The following RAB11FIP1 variants were observed in gnomAD, a reference collection of about 807,000 sequenced individuals.
RAB11FIP1 encodes rab11 family-interacting protein 1.
RAB11FIP1 carries 49 observed loss-of-function variants against 83.1 expected under a neutral mutation model. The ratio of observed to expected loss-of-function variants is 0.59; its 90% CI spans 0.47 to 0.75. RAB11FIP1 has a LOEUF of 0.75. Ranked by LOEUF, RAB11FIP1 falls within the 30% of genes least tolerant of loss-of-function variation. RAB11FIP1 has a pLI of 0.00. For synonymous variants in RAB11FIP1, 670 were observed against 656.0 expected (o/e 1.02, Z -0.33); for missense variants, 1,536 against 1,598.7 (o/e 0.96, Z 0.67).
chr8:37,872,930 C>A lies in RAB11FIP1; in HGVS notation c.1872G>T (p.Lys624Asn). Residue 624 changes from lysine to asparagine, a missense_variant, in exon 4 of 6, where the codon AAG becomes AAT. Physicochemically the swap from Lys to Asn is moderately conservative, Grantham distance 94. Coordinates refer to ENST00000330843, the MANE Select transcript of RAB11FIP1 (RefSeq NM_001002814.3). The part of the protein sequence containing the change: ...SWPLVDRGQA[K>N]SEGPPLLPKA... ...TAGGGAGCAAGGGTGGTCCTTCAGA[C>A]TTGGCCTGGCCCCTGTCTACGAGAG... 6.2e-7 allele frequency: 1 copy of A among 1,614,236 alleles called. No homozygotes were observed. Among genetic ancestry groups the A allele is most frequent in the Non-Finnish European group, 8.5e-7 (1 of 1,180,042 alleles).
At chr8:37,881,606 C>A (rs996163896) in intron 1 of RAB11FIP1, among the ~76,000 whole-genome samples, 39 of 152,058 alleles carry the variant, frequency 2.6e-4, no homozygotes, top group African/African-American at 8.7e-4. Context: ...AATTTTGGAC[C>A]CTTAGGAGAC....
At chr8:37,874,019 G>A (rs561507166) in intron 3 of RAB11FIP1, among the ~76,000 whole-genome samples, 5 of 152,294 alleles carry the variant, frequency 3.3e-5, no homozygotes, top group South Asian at 2.1e-4. Flanking sequence ...GGCTTATGCC[G>A]GCTCTTACAA....
At chr8:37,892,425 A>ATATTTATT (rs146042883) in intron 1 of RAB11FIP1, among the ~76,000 whole-genome samples, 4,087 of 144,152 alleles carry the variant, frequency 0.028, 72 homozygotes, top group Non-Finnish European at 0.036. Flanking sequence ...ACTTTTATTT[A>ATATTTATT]TATTTATTTA....
intron 5 of RAB11FIP1, among the ~76,000 whole-genome samples, chr8:37,863,844 G>A (rs1426828879): frequency 1.3e-5 from 2 of 152,144 alleles, no homozygotes; most frequent in African/African-American, 4.8e-5. Flanking sequence ...CACTCCTTTG[G>A]GAACACTAGG....
rs1382156065 is a variant in RAB11FIP1, at chr8:37,876,255, AAGGAAGG to A, written c.814+847_814+853del. Among the ~76,000 whole-genome samples the A allele has an allele frequency of 1.6e-3, 237 of 147,192 alleles. 1 individual carries two copies. Among genetic ancestry groups the A allele is most frequent in the African/African-American group, 5.8e-3 (215 of 37,238 alleles). ...GAAGGAAGGAAGGAAGGAAGGAAGG[AAGGAAGG>A]AAGAAAGAAGGAAAGAAACCAGAGG... On this transcript the variant is annotated intron_variant, in intron 2 of 5. Coordinates refer to ENST00000330843, the MANE Select transcript of RAB11FIP1 (RefSeq NM_001002814.3).
intron 1 of RAB11FIP1, 71 bp downstream of exon 1, chr8:37,899,000 A>G: frequency 2.9e-6 from 4 of 1,387,728 alleles, no homozygotes; most frequent in Non-Finnish European, 2.8e-6. Flanking sequence ...CGAAGGGTCC[A>G]GCGCCCAGAC....
chr8:37,879,815 G>A (rs1806698614), intron 1 of RAB11FIP1, among the ~76,000 whole-genome samples: 3 of 152,042 alleles, frequency 2.0e-5, no homozygotes, highest in Non-Finnish European at 4.4e-5. Context: ...CCCGGGAGAG[G>A]GAGGTTGTAG....
chr8:37,886,879 A>G (rs973279734), intron 1 of RAB11FIP1, among the ~76,000 whole-genome samples: 3 of 152,234 alleles, frequency 2.0e-5, no homozygotes, highest in South Asian at 2.1e-4. Flanking sequence ...GCATATGGGT[A>G]AAACGTCCAG....
chr8:37,865,626 G>C (rs1806327749), intron 5 of RAB11FIP1, among the ~76,000 whole-genome samples: 1 of 152,000 alleles, frequency 6.6e-6, no homozygotes, highest in South Asian at 2.1e-4. Flanking sequence ...GGCCTTCCTG[G>C]GGTTCTTGAT....
At position 37,887,524 on chromosome 8, in the gene RAB11FIP1, C is replaced by T. The variant is rs1017606040; in HGVS notation, c.372-9973G>A. 2.8e-4 allele frequency among the ~76,000 whole-genome samples: 42 copies of T among 148,840 alleles called. 1 individual carries two copies. The highest frequency in any genetic ancestry group is 6.0e-4 in the Admixed American group (9 of 15,008). On this transcript the variant is annotated intron_variant, in intron 1 of 5. Coordinates refer to ENST00000330843, the MANE Select transcript of RAB11FIP1 (RefSeq NM_001002814.3). ...CCAGCCTGGGTGGCAGAGTGAGACG[C>T]CATCTCAAAAAAAAAAAAAAAAAAG...
At chr8:37,873,332 C>T (rs1207618174) in intron 3 of RAB11FIP1, 153 bp from the exon 4 acceptor site, 4 of 790,622 alleles carry the variant, frequency 5.1e-6, no homozygotes, top group South Asian at 2.0e-5. Flanking sequence ...TAGCCGGGCG[C>T]GGTGGCTCAC....
At chr8:37,889,545 G>C (rs960577223) in intron 1 of RAB11FIP1, among the ~76,000 whole-genome samples, 1 of 152,044 alleles carries the variant, frequency 6.6e-6, no homozygotes, top group Non-Finnish European at 1.5e-5. Flanking sequence ...GCAACCATGG[G>C]GTCCTCACAT....
intron 3 of RAB11FIP1, 112 bp from the exon 4 acceptor site, chr8:37,873,291 G>T (rs1806523039): frequency 8.2e-7 from 1 of 1,216,748 alleles, no homozygotes; most frequent in East Asian, 2.5e-5. Context: ...TACACGTGGG[G>T]CAGTACCTTA....
In RAB11FIP1 at chr8:37,877,431, G is replaced by A; in HGVS notation, c.492C>T (p.Asp164=). Residue 164 remains aspartate (D), a synonymous_variant, in exon 2 of 6, where the codon GAC becomes GAT. Coordinates refer to ENST00000330843, the MANE Select transcript of RAB11FIP1 (RefSeq NM_001002814.3). ...TASMFDLSMK[D]KSRNPFGKLK... is the part of the protein sequence containing the mutation. ...GCTTTCCAAATGGATTCCGAGACTTGTCTTTCATAGAAAGGTCAAACATGC... is the reference window on the plus strand; with the variant it reads ...GCTTTCCAAATGGATTCCGAGACTTATCTTTCATAGAAAGGTCAAACATGC... 1.2e-6 allele frequency: 2 copies of A among 1,614,034 alleles called. No individual in the cohort carries two copies. Among genetic ancestry groups the A allele is most frequent in the South Asian group, 2.2e-5 (2 of 91,078 alleles).
rs530106648 is a variant in RAB11FIP1 at position 37,874,389 on chromosome 8, C to T, written c.1622+126G>A. On this transcript the variant is annotated intron_variant, in intron 3 of 5. Transcript: ENST00000330843. ...GGACTGGTTAAAAAAATAATTTAGA[C>T]CAGCAAACCTTTGGCATATATGGGT... 1.0e-4 allele frequency: 78 copies of T among 760,410 alleles called. 1 individual carries two copies. The East Asian group carries it at 1.8e-3, about 18-fold the overall frequency. The allele number at this position is 760,410 out of a possible 1,614,324, so 47.1% of individuals were successfully genotyped here. A position where few individuals can be genotyped will look rare whatever the true frequency, so the allele number is the denominator to read the frequency against.
Position 37,877,449 on chromosome 8 carries a change from A to G in RAB11FIP1, c.474T>C (p.Phe158=). The change falls in exon 2 of 6, where the codon TTT becomes TTC. Residue 158 remains phenylalanine (F), a synonymous_variant. Transcript: ENST00000330843. Reference sequence around the variant, plus strand: ...GAGACTTGTCTTTCATAGAAAGGTCAAACATGCTGGCAGTCATGTTGTTTC... The same window carrying G: ...GAGACTTGTCTTTCATAGAAAGGTCGAACATGCTGGCAGTCATGTTGTTTC... ...FMRNNMTASM[F]DLSMKDKSRN... 1 of 1,613,890 alleles carries G rather than the reference A, an allele frequency of 6.2e-7. No homozygotes were observed. Among genetic ancestry groups the G allele is most frequent in the Non-Finnish European group, 8.5e-7 (1 of 1,179,828 alleles).
chr8:37,881,527 A>G (rs1299721732), intron 1 of RAB11FIP1, among the ~76,000 whole-genome samples: 1 of 152,242 alleles, frequency 6.6e-6, no homozygotes, highest in East Asian at 1.9e-4. Flanking sequence ...CAGTATACAA[A>G]GTCATCAAGA....
chr8:37,876,922 T>G (rs1306673279), intron 2 of RAB11FIP1, among the ~76,000 whole-genome samples, 187 bp downstream of exon 2: 1 of 152,138 alleles, frequency 6.6e-6, no homozygotes, highest in Non-Finnish European at 1.5e-5. Context: ...ATTACAGGCG[T>G]GAGCCACCAC....
chr8:37,870,034 C>T (rs1273281916), intron 5 of RAB11FIP1, among the ~76,000 whole-genome samples: 2 of 152,062 alleles, frequency 1.3e-5, no homozygotes, highest in Non-Finnish European at 1.5e-5. Flanking sequence ...TGGTGGTTCA[C>T]GCCTATAATC....
Sources: allele counts gnomAD v4.1 joint callset (sites outside exome capture counted in the v4.1 genomes callset), GRCh38; gene constraint gnomAD v4.1.1; transcripts MANE v1.5; gene names NCBI Gene and HGNC (gene_info 2026-07-23, HGNC 2026-07-21).